The following ROBO1 variants were observed in gnomAD, a reference collection of about 807,000 sequenced individuals.
ROBO1 encodes roundabout homolog 1.
In ROBO1, 149 loss-of-function variants were observed where a neutral mutation model predicts 195.9. The observed-to-expected ratio is 0.76, with a 90% CI of 0.67 to 0.87. The LOEUF (loss-of-function observed/expected upper bound fraction) is 0.87, where lower values mean the gene tolerates loss of function less well. Among genes scored for constraint, ROBO1 ranks in the 40% least tolerant of loss-of-function variants. The probability of loss-of-function intolerance (pLI) is 0.00; values close to 1 mark genes in which losing one functional copy is unlikely to be tolerated. For missense variants in ROBO1, 1,933 were observed against 2,068.3 expected, an observed-to-expected ratio of 0.93 and a Z score of 1.27; for synonymous variants, 816 against 733.2, an observed-to-expected ratio of 1.11 and a Z score of -1.82.
At chr3:79,689,838 A>G (rs1947247492) in intron 1 of ROBO1, among the ~76,000 whole-genome samples, 1 of 152,038 alleles carries the variant, frequency 6.6e-6, no homozygotes, top group Non-Finnish European at 1.5e-5. Flanking sequence ...ACACAGAAAT[A>G]ACAAATATTG....
intron 3 of ROBO1, chr3:79,018,674 G>A: frequency 7.3e-7 from 1 of 1,377,524 alleles, no homozygotes; most frequent in Non-Finnish European, 9.4e-7. Flanking sequence ...TCCAAGGTTT[G>A]TCTTCTCCGG....
At chr3:79,454,958 C>T (rs2107220772) in intron 2 of ROBO1, among the ~76,000 whole-genome samples, 1 of 152,174 alleles carries the variant, frequency 6.6e-6, no homozygotes, top group Admixed American at 6.5e-5. Flanking sequence ...GCAAAGTCAG[C>T]AAAACTAGTT....
intron 2 of ROBO1, among the ~76,000 whole-genome samples, chr3:79,341,431 T>C (rs1483818868): frequency 1.3e-5 from 2 of 152,194 alleles, no homozygotes; most frequent in Non-Finnish European, 2.9e-5. Context: ...TAGTTTGCCA[T>C]CACATTCATT....
chr3:79,091,403 T>C (rs946775561), intron 3 of ROBO1, among the ~76,000 whole-genome samples: 2 of 152,162 alleles, frequency 1.3e-5, no homozygotes, highest in Non-Finnish European at 2.9e-5. Flanking sequence ...ATCTGTACGT[T>C]AGTCTTGCAT....
At chr3:79,300,503 C>A (rs2032870465) in intron 2 of ROBO1, among the ~76,000 whole-genome samples, 1 of 152,222 alleles carries the variant, frequency 6.6e-6, no homozygotes, top group Non-Finnish European at 1.5e-5. Flanking sequence ...AGCCTCCCAC[C>A]CCCTCCGTGG....
At chr3:79,018,806 CGTGCGCCCCCACAAT>C in intron 3 of ROBO1, 4 of 1,047,824 alleles carry the variant, frequency 3.8e-6, no homozygotes, top group Non-Finnish European at 4.6e-6. Context: ...AGCCTCCCGG[CGTGCGCCCCCACAAT>C]GTGCGGCCGA....
chr3:79,486,155 G>A (rs1157260806), intron 2 of ROBO1, among the ~76,000 whole-genome samples: 1 of 152,050 alleles, frequency 6.6e-6, no homozygotes, highest in Non-Finnish European at 1.5e-5. Flanking sequence ...AGAAGAGTGA[G>A]CAGCATAGTA....
intron 1 of ROBO1, among the ~76,000 whole-genome samples, chr3:79,655,616 A>AT (rs1289824329): frequency 6.6e-6 from 1 of 152,008 alleles, no homozygotes; most frequent in Non-Finnish European, 1.5e-5. Context: ...CATTCCATGT[A>AT]TTTTTTTAAA....
chr3:79,353,592 TG>T (rs879597097), intron 2 of ROBO1, among the ~76,000 whole-genome samples: 7 of 152,158 alleles, frequency 4.6e-5, no homozygotes, highest in African/African-American at 7.2e-5. Context: ...CGTGTGGACA[TG>T]GAGGTGCTGG....
chr3:79,635,516 C>T (rs1945471125), intron 1 of ROBO1, among the ~76,000 whole-genome samples: 1 of 152,008 alleles, frequency 6.6e-6, no homozygotes, highest in Non-Finnish European at 1.5e-5. Context: ...CATTGAACAC[C>T]ATCTTGACTA....
At chr3:79,549,084 T>C (rs1045685319) in intron 2 of ROBO1, among the ~76,000 whole-genome samples, 81 of 152,192 alleles carry the variant, frequency 5.3e-4, no homozygotes, top group Non-Finnish European at 7.3e-5. Context: ...TGAAAAATCC[T>C]GTTAAATAAT....
intron 3 of ROBO1, among the ~76,000 whole-genome samples, chr3:79,068,361 A>G (rs927413245): frequency 2.6e-5 from 4 of 151,860 alleles, no homozygotes; most frequent in Admixed American, 1.3e-4. Context: ...TGTTCCTCCT[A>G]ACCATGGGCA....
At chr3:79,505,607 G>A (rs1226271177) in intron 2 of ROBO1, among the ~76,000 whole-genome samples, 3 of 152,116 alleles carry the variant, frequency 2.0e-5, no homozygotes, top group Non-Finnish European at 4.4e-5. Context: ...CCTAATACCA[G>A]GGAAAGCTTA....
At chr3:78,933,469 G>A (rs1047839209) in intron 4 of ROBO1, among the ~76,000 whole-genome samples, 5 of 152,026 alleles carry the variant, frequency 3.3e-5, no homozygotes, top group African/African-American at 1.2e-4. Flanking sequence ...TTTACTTCAA[G>A]AGATAATGTG....
chr3:78,630,415 T>C (rs1705110532), intron 25 of ROBO1, among the ~76,000 whole-genome samples: 1 of 152,238 alleles, frequency 6.6e-6, no homozygotes, highest in South Asian at 2.1e-4. Context: ...ACAGAGGCTT[T>C]GTTTCTGGGC....
intron 4 of ROBO1, among the ~76,000 whole-genome samples, chr3:78,844,351 C>A (rs1049583624): frequency 6.6e-6 from 1 of 152,070 alleles, no homozygotes; most frequent in Non-Finnish European, 1.5e-5. Context: ...ATTTTTTTAA[C>A]CTCCTTTTTC....
At chr3:79,209,461 G>A (rs1442072634) in intron 2 of ROBO1, among the ~76,000 whole-genome samples, 1 of 151,576 alleles carries the variant, frequency 6.6e-6, no homozygotes, top group East Asian at 1.9e-4. Context: ...GCATGTGCAA[G>A]TGTTTTTTTT....
intron 1 of ROBO1, among the ~76,000 whole-genome samples, chr3:79,694,899 C>A (rs1947398298): frequency 6.6e-6 from 1 of 151,508 alleles, no homozygotes; most frequent in African/African-American, 2.4e-5. Flanking sequence ...GAGCTTAAAG[C>A]ATTGTATAAA....
chr3:79,208,585 T>A (rs2081912844), intron 2 of ROBO1, among the ~76,000 whole-genome samples: 1 of 152,200 alleles, frequency 6.6e-6, no homozygotes, highest in East Asian at 1.9e-4. Context: ...AAGGATAGGA[T>A]AGCAGAGATG....
Sources: gnomAD v4.1 joint callset for allele counts (sites outside exome capture counted in the v4.1 genomes callset) on GRCh38, gnomAD v4.1.1 for gene constraint, MANE v1.5 for transcripts, NCBI Gene and HGNC (gene_info 2026-07-23, HGNC 2026-07-21) for gene names.